Variants in RNF10 observed in about 807,000 individuals in gnomAD.
The protein encoded by RNF10 is ring finger protein 10.
In RNF10, 38 loss-of-function variants were observed where a neutral mutation model predicts 91.4. That is an observed-to-expected ratio of 0.42 (90% confidence interval 0.32 to 0.54). RNF10 has a LOEUF of 0.54. Among genes scored for constraint, RNF10 ranks in the 20% least tolerant of loss-of-function variants. RNF10 has a pLI of 0.16. For missense variants in RNF10, 945 were observed against 1,012.0 expected, an observed-to-expected ratio of 0.93 and a Z score of 0.90; for synonymous variants, 364 against 366.3, an observed-to-expected ratio of 0.99 and a Z score of 0.07.
At chr12:120,553,089 T>G (rs1273450249) in intron 3 of RNF10, among the ~76,000 whole-genome samples, 2 of 42,116 alleles carry the variant, frequency 4.7e-5, no homozygotes, top group African/African-American at 1.7e-4. Flanking sequence ...TTTTTTTTTT[T>G]TTTTTTTTTT....
At chr12:120,545,703 A>G (rs1872227901) in intron 1 of RNF10, among the ~76,000 whole-genome samples, 1 of 151,656 alleles carries the variant, frequency 6.6e-6, no homozygotes, top group African/African-American at 2.4e-5. Context: ...ATGCGCGGCT[A>G]ATTTTTTGTA....
intron 2 of RNF10, 90 bp from the exon 3 acceptor site, chr12:120,552,409 A>AT: frequency 1.9e-6 from 2 of 1,074,916 alleles, no homozygotes; most frequent in Non-Finnish European, 2.7e-6. Context: ...CAAAAAAAAA[A>AT]GCTGTGTAAA....
At chr12:120,545,443 C>T (rs368226293) in intron 1 of RNF10, among the ~76,000 whole-genome samples, 11 of 151,776 alleles carry the variant, frequency 7.2e-5, no homozygotes, top group Non-Finnish European at 1.3e-4. Flanking sequence ...CCGCCCACCT[C>T]GGCCTCCCAA....
At chr12:120,549,644 G>A (rs1872758980) in intron 2 of RNF10, among the ~76,000 whole-genome samples, 1 of 152,066 alleles carries the variant, frequency 6.6e-6, no homozygotes, top group Admixed American at 6.6e-5. Context: ...AATTAACCGG[G>A]CGTGATGGCA....
intron 1 of RNF10, among the ~76,000 whole-genome samples, chr12:120,543,340 A>G (rs1871840517): frequency 6.6e-6 from 1 of 152,162 alleles, no homozygotes; most frequent in Non-Finnish European, 1.5e-5. Context: ...AAGATTGAGA[A>G]TCATTGTAAT....
Position 120,560,726 on chromosome 12 carries a change from A to G in RNF10, c.968A>G (p.Asp323Gly), listed in dbSNP as rs774021336. The stretch of plus-strand genomic sequence containing the variant: ...TTTGATCTTGCTGGCATTCTTATAG[A>G]TGAACAGCACAGCCAGTACTCCAAG... ...MNVDHPIHLG[D>G]EQHSQYSKLL... is the part of the protein sequence containing the mutation. The change falls in exon 7 of 17, where the codon GAT (aspartate) becomes GGT (glycine). Residue 323 changes from aspartate (D) to glycine (G), a missense_variant and splice_region_variant. Physicochemically the swap from Asp to Gly is moderately conservative, Grantham distance 94. Transcript: ENST00000325954. The G allele has an allele frequency of 6.2e-7, 1 of 1,611,394 alleles. No homozygotes were observed. The highest frequency in any genetic ancestry group is 8.5e-7 in the Non-Finnish European group (1 of 1,177,940).
In RNF10 at chr12:120,572,688, C is replaced by T. The variant is rs141133066; in HGVS notation, c.2142+1397C>T. On this transcript the variant is annotated intron_variant, in intron 14 of 16. Coordinates refer to ENST00000325954, the MANE Select transcript of RNF10 (RefSeq NM_014868.5). ...TCGGCTCACTGCAACCACCGCCTCC[C>T]GGGTTCAAGCAATTCTCCTGCCTCA... 4.9e-4 allele frequency among the ~76,000 whole-genome samples: 74 copies of T among 152,034 alleles called. No individual in the cohort carries two copies. In the East Asian group the frequency reaches 0.013, roughly 26 times the overall value.
chr12:120,565,234 G>T (rs751120719), intron 11 of RNF10, 45 bp downstream of exon 11: 3 of 1,390,534 alleles, frequency 2.2e-6, no homozygotes, highest in Non-Finnish European at 3.1e-6. Flanking sequence ...AGGGTTCAGG[G>T]ATTCTTGTGG....
At position 120,571,059 on chromosome 12, in the gene RNF10, A is replaced by G. The variant is rs544671393; in HGVS notation, c.2042-132A>G. 7.8e-4 allele frequency: 494 copies of G among 634,202 alleles called. 5 individuals are homozygous for G. In the African/African-American group the frequency reaches 8.2e-3, roughly 11 times the overall value. The allele number at this position is 634,202 out of a possible 1,614,324, so 39.3% of individuals were successfully genotyped here. A position where few individuals can be genotyped will look rare whatever the true frequency, so the allele number is the denominator to read the frequency against. ...ACATGGAAGAGTTGAAAGTTGGATC[A>G]ATGTTTGCTTTTTTTTTTTTGAGGG... On this transcript the variant is annotated intron_variant, in intron 13 of 16. Transcript: ENST00000325954.
intron 1 of RNF10, chr12:120,539,329 C>A: frequency 2.0e-6 from 2 of 1,014,520 alleles, no homozygotes; most frequent in South Asian, 1.3e-5. Context: ...CTGGCATGTG[C>A]ATCATTCCTG....
intron 14 of RNF10, 50 bp from the exon 15 acceptor site, chr12:120,575,581 T>C (rs200723970): frequency 6.2e-7 from 1 of 1,607,774 alleles, no homozygotes; most frequent in East Asian, 2.2e-5. Flanking sequence ...GAAAAAGAAG[T>C]TGGACCAGCT....
rs760823912 is a variant in RNF10 at position 120,576,877 on chromosome 12, T to C, written c.*211T>C. 1.5e-4 allele frequency: 86 copies of C among 559,596 alleles called. No individual in the cohort carries two copies. The highest frequency in any genetic ancestry group is 2.4e-4 in the Non-Finnish European group (78 of 328,250). The allele number at this position is 559,596 out of a possible 1,614,324, so 34.7% of individuals were successfully genotyped here. On this transcript the variant is annotated 3_prime_UTR_variant, in exon 17 of 17. Coordinates refer to ENST00000325954, the MANE Select transcript of RNF10 (RefSeq NM_014868.5). ...CTGTCTTTACACCAAAATAAAGTAT[T>C]GACACAAGAGATCTCTTCCTGCCAA...
At chr12:120,535,008 C>T in intron 1 of RNF10, 40 bp downstream of exon 1, 1 of 1,544,246 alleles carries the variant, frequency 6.5e-7, no homozygotes, top group Non-Finnish European at 8.7e-7. Context: ...GGCGACTGCC[C>T]CTGCTGCTGG....
rs748238798 is a variant in RNF10, at chr12:120,565,526, A to G, written c.1882A>G (p.Lys628Glu). ...GATAGAGGAGAACAAGAAACAGGGCAAGTGTAAGTTCAGGAACTTTCATCT... is the reference window on the plus strand; with the variant it reads ...GATAGAGGAGAACAAGAAACAGGGCGAGTGTAAGTTCAGGAACTTTCATCT... ...IEIEENKKQG[K>E]YPEVHIPLEN... Residue 628 changes from lysine (K) to glutamate (E), a missense_variant, in exon 12 of 17, where the codon AAG becomes GAG. Physicochemically the swap from Lys to Glu is moderately conservative, Grantham distance 56. Transcript: ENST00000325954. 6.2e-7 allele frequency: 1 copy of G among 1,613,642 alleles called. No homozygotes were observed. Among genetic ancestry groups the G allele is most frequent in the Non-Finnish European group, 8.5e-7 (1 of 1,179,766 alleles).
At chr12:120,568,916 C>T (rs1431211136) in intron 13 of RNF10, among the ~76,000 whole-genome samples, 2 of 152,142 alleles carry the variant, frequency 1.3e-5, no homozygotes, top group African/African-American at 4.8e-5. Context: ...GCCACTGTAC[C>T]TGGCCAAGAA....
chr12:120,536,516 T>C (rs1460535796), intron 1 of RNF10, among the ~76,000 whole-genome samples: 1 of 152,172 alleles, frequency 6.6e-6, no homozygotes, highest in Non-Finnish European at 1.5e-5. Flanking sequence ...GTTCACCTGC[T>C]GGATATGGCA....
At chr12:120,554,495 CA>C (rs1319121345) in intron 3 of RNF10, 9 of 467,422 alleles carry the variant, frequency 1.9e-5, no homozygotes, top group Non-Finnish European at 3.1e-5. Flanking sequence ...GGACTTGAAG[CA>C]GAAGAAAACA....
At chr12:120,541,789 G>A (rs1030496636) in intron 1 of RNF10, among the ~76,000 whole-genome samples, 11 of 151,180 alleles carry the variant, frequency 7.3e-5, no homozygotes, top group African/African-American at 2.7e-4. Flanking sequence ...ATGCAGTGGT[G>A]CAAACATAAC....
At chr12:120,560,545 A>G (rs758940510) in intron 6 of RNF10, among the ~76,000 whole-genome samples, 181 bp from the exon 7 acceptor site, 1 of 152,200 alleles carries the variant, frequency 6.6e-6, no homozygotes, top group Non-Finnish European at 1.5e-5. Context: ...TAGATTTCTT[A>G]TATCAAGAGC....
Sources: gnomAD v4.1 joint callset for allele counts (sites outside exome capture counted in the v4.1 genomes callset) on GRCh38, gnomAD v4.1.1 for gene constraint, MANE v1.5 for transcripts, NCBI Gene and HGNC (gene_info 2026-07-23, HGNC 2026-07-21) for gene names.